The following CDKAL1 variants were observed in gnomAD, a reference collection of about 807,000 sequenced individuals.
The protein encoded by CDKAL1 is threonylcarbamoyladenosine tRNA methylthiotransferase.
CDKAL1 carries 32 observed loss-of-function variants against 68.2 expected under a neutral mutation model. The observed-to-expected ratio is 0.47, with a 90% CI of 0.35 to 0.63. The LOEUF (loss-of-function observed/expected upper bound fraction) is 0.63, where lower values mean the gene tolerates loss of function less well. CDKAL1 is among the 30% of genes least tolerant of loss of function. CDKAL1 has a pLI of 0.00. For missense variants in CDKAL1, 606 were observed against 696.7 expected (o/e 0.87, Z 1.47); for synonymous variants, 234 against 244.3 (o/e 0.96, Z 0.39).
At chr6:20,767,449 TATC>T (rs1406623019) in intron 7 of CDKAL1, among the ~76,000 whole-genome samples, 1 of 152,102 alleles carries the variant, frequency 6.6e-6, no homozygotes, top group Non-Finnish European at 1.5e-5. Flanking sequence ...ACATAGAAAT[TATC>T]ATCTTCAATT....
intron 9 of CDKAL1, among the ~76,000 whole-genome samples, chr6:20,896,901 G>T (rs1761718105): frequency 6.6e-6 from 1 of 152,198 alleles, no homozygotes; most frequent in South Asian, 2.1e-4. Context: ...AGATGAAAGT[G>T]TTCTTGGGTT....
At position 20,782,090 on chromosome 6, in the gene CDKAL1, C is replaced by T. The variant is rs73732779; in HGVS notation, c.638+825C>T. On this transcript the variant is annotated intron_variant, in intron 8 of 15. Coordinates refer to ENST00000274695, the MANE Select transcript of CDKAL1 (RefSeq NM_017774.3). ...AACCGGTGAACAGCTTCCTTGTCCA[C>T]CATCTGCCTGTTTCTCTGAATCCAA... Among the ~76,000 whole-genome samples the T allele has an allele frequency of 3.1e-3, 478 of 152,316 alleles. 1 individual carries two copies. Among genetic ancestry groups the T allele is most frequent in the African/African-American group, 0.011 (454 of 41,558 alleles).
chr6:20,547,827 A>G (rs535094310), intron 3 of CDKAL1, among the ~76,000 whole-genome samples: 3 of 152,214 alleles, frequency 2.0e-5, no homozygotes, highest in African/African-American at 7.2e-5. Context: ...ATGCTTTAGG[A>G]TGACGGTTTT....
intron 9 of CDKAL1, among the ~76,000 whole-genome samples, chr6:20,947,675 C>T (rs566399941): frequency 2.8e-4 from 42 of 152,240 alleles, no homozygotes; most frequent in African/African-American, 9.9e-4. Context: ...CATAGCTTAG[C>T]GTAGCCTACC....
chr6:21,042,354 C>G (rs1769976043), intron 11 of CDKAL1, among the ~76,000 whole-genome samples: 1 of 152,120 alleles, frequency 6.6e-6, no homozygotes, highest in Admixed American at 6.5e-5. Context: ...CATGAAGCAC[C>G]AGGGAGGTAA....
intron 15 of CDKAL1, among the ~76,000 whole-genome samples, chr6:21,215,213 G>A (rs1001314657): frequency 1.3e-5 from 2 of 152,154 alleles, no homozygotes; most frequent in Non-Finnish European, 2.9e-5. Context: ...GCCCTGCTCC[G>A]CATGCCTCAT....
chr6:20,630,942 A>ATG (rs1231331725), intron 4 of CDKAL1, among the ~76,000 whole-genome samples: 1 of 152,218 alleles, frequency 6.6e-6, no homozygotes, highest in Non-Finnish European at 1.5e-5. Context: ...TGCTATGCAA[A>ATG]TGTGGTTATT....
intron 9 of CDKAL1, among the ~76,000 whole-genome samples, chr6:20,926,495 G>T (rs1763195116): frequency 6.6e-6 from 1 of 151,986 alleles, no homozygotes; most frequent in African/African-American, 2.4e-5. Context: ...AAGGAGAAGA[G>T]GCACAGCTGT....
At chr6:21,203,797 A>G (rs1457736755) in intron 15 of CDKAL1, among the ~76,000 whole-genome samples, 1 of 148,666 alleles carries the variant, frequency 6.7e-6, no homozygotes, top group East Asian at 2.0e-4. Flanking sequence ...TCCAGGTTCA[A>G]GCGATTCTCC....
intron 10 of CDKAL1, among the ~76,000 whole-genome samples, chr6:20,973,024 G>A (rs1765668391): frequency 6.6e-6 from 1 of 151,006 alleles, no homozygotes; most frequent in East Asian, 1.9e-4. Flanking sequence ...GTTGCAGTGA[G>A]CCGAGATCGC....
At chr6:20,651,132 A>T (rs1768749534) in intron 5 of CDKAL1, among the ~76,000 whole-genome samples, 1 of 152,194 alleles carries the variant, frequency 6.6e-6, no homozygotes, top group Non-Finnish European at 1.5e-5. Context: ...TGAATCTACA[A>T]ATTACTTTGG....
At chr6:20,943,266 A>G (rs1271716111) in intron 9 of CDKAL1, among the ~76,000 whole-genome samples, 3 of 148,038 alleles carry the variant, frequency 2.0e-5, no homozygotes, top group Non-Finnish European at 4.4e-5. Flanking sequence ...TTGTTCTTGT[A>G]TACAATATTG....
intron 5 of CDKAL1, among the ~76,000 whole-genome samples, chr6:20,697,270 A>G (rs540113288): frequency 6.6e-6 from 1 of 152,324 alleles, no homozygotes; most frequent in South Asian, 2.1e-4. Context: ...TTCAAATTAA[A>G]AAATGCATAG....
chr6:20,752,945 A>C (rs1773991703), intron 6 of CDKAL1, among the ~76,000 whole-genome samples: 1 of 152,020 alleles, frequency 6.6e-6, no homozygotes. Context: ...GTTGACTTTC[A>C]TGGCCTTGAC....
chr6:20,598,588 T>C (rs1313465522), intron 4 of CDKAL1, among the ~76,000 whole-genome samples: 1 of 152,236 alleles, frequency 6.6e-6, no homozygotes, highest in Non-Finnish European at 1.5e-5. Context: ...TGATGGCCTA[T>C]TGAGAGATAT....
chr6:20,641,274 TA>T (rs1349242765), intron 4 of CDKAL1, among the ~76,000 whole-genome samples: 1 of 152,172 alleles, frequency 6.6e-6, no homozygotes, highest in Non-Finnish European at 1.5e-5. Context: ...TAAAAACATT[TA>T]AAAAGCGTTG....
At chr6:20,541,252 A>G (rs998491156) in intron 2 of CDKAL1, among the ~76,000 whole-genome samples, 7 of 152,204 alleles carry the variant, frequency 4.6e-5, no homozygotes, top group African/African-American at 1.7e-4. Context: ...TTGCAAGAAC[A>G]GAATACCCAC....
chr6:21,083,655 G>A (rs1772534502), intron 12 of CDKAL1, among the ~76,000 whole-genome samples: 1 of 152,150 alleles, frequency 6.6e-6, no homozygotes. Flanking sequence ...ATTTTGTCAA[G>A]AGCCCCGACA....
chr6:21,099,734 C>T (rs1773487945), intron 12 of CDKAL1, among the ~76,000 whole-genome samples: 1 of 152,178 alleles, frequency 6.6e-6, no homozygotes, highest in African/African-American at 2.4e-5. Flanking sequence ...TTTGAATGAA[C>T]CATTGTGCGG....
Sources: gnomAD v4.1 joint callset for allele counts (sites outside exome capture counted in the v4.1 genomes callset) on GRCh38, gnomAD v4.1.1 for gene constraint, MANE v1.5 for transcripts, NCBI Gene and HGNC (gene_info 2026-07-23, HGNC 2026-07-21) for gene names.